Variants in FBXW4 observed in about 807,000 individuals in gnomAD.
FBXW4 encodes F-box and WD repeat domain containing 4, also known as F-box/WD repeat-containing protein 4.
In FBXW4, 40 loss-of-function variants were observed where a neutral mutation model predicts 61.8. The observed-to-expected ratio is 0.65, with a 90% confidence interval of 0.50 to 0.84. FBXW4 has a LOEUF of 0.84. Ranked by LOEUF, FBXW4 falls within the 40% of genes least tolerant of loss-of-function variation. The pLI, the probability that FBXW4 is intolerant of heterozygous loss-of-function variation, is 0.00. For missense variants in FBXW4, 672 were observed against 753.8 expected (o/e 0.89, Z 1.27); for synonymous variants, 311 against 313.8 (o/e 0.99, Z 0.10).
intron 5 of FBXW4, among the ~76,000 whole-genome samples, chr10:101,635,419 C>T (rs1385281819): frequency 2.6e-5 from 4 of 151,388 alleles, no homozygotes; most frequent in South Asian, 2.1e-4. Flanking sequence ...TGACTCACCC[C>T]CCTCCCACCC....
Position 101,694,782 on chromosome 10 carries a change from G to A in FBXW4, c.324C>T (p.Ala108=), listed in dbSNP as rs890844776. The change falls in exon 1 of 9, where the codon GCC becomes GCT. Residue 108 remains alanine, a synonymous_variant. Coordinates refer to ENST00000331272, the MANE Select transcript of FBXW4 (RefSeq NM_022039.4). This position sits in a 1 kb window ranked among gnomAD's most constrained non-coding sequence, Gnocchi z 6.0. ...IVKGVEGSAG[A]GKEAQGREYG... Reference sequence around the variant, plus strand: ...ACTCTCTTCCTTGTGCCTCCTTCCCGGCCCCTGCGCTCCCCTCGACTCCCT... The same window carrying A: ...ACTCTCTTCCTTGTGCCTCCTTCCCAGCCCCTGCGCTCCCCTCGACTCCCT... 1.7e-5 allele frequency: 23 copies of A among 1,343,780 alleles called. No homozygotes were observed. Among genetic ancestry groups the A allele is most frequent in the African/African-American group, 3.1e-5 (2 of 64,778 alleles). 83.2% of individuals were successfully genotyped at this position (1,343,780 alleles called of 1,614,324 possible).
intron 1 of FBXW4, among the ~76,000 whole-genome samples, chr10:101,688,387 G>A (rs1258896323): frequency 6.6e-6 from 1 of 152,212 alleles, no homozygotes; most frequent in Non-Finnish European, 1.5e-5. Flanking sequence ...TTAATTGTGG[G>A]CTAAAGAGGG....
intron 1 of FBXW4, among the ~76,000 whole-genome samples, chr10:101,681,125 C>G (rs777319921): frequency 1.6e-4 from 25 of 152,256 alleles, no homozygotes; most frequent in Middle Eastern, 6.8e-3. Context: ...TGGTGGCTCA[C>G]AACTGTGATC....
intron 6 of FBXW4, chr10:101,613,290 TCCCTAGCAACTAC>T (rs1180790050): frequency 6.6e-6 from 1 of 152,260 alleles, no homozygotes; most frequent in Non-Finnish European, 1.5e-5. Flanking sequence ...GGGCCTCCTG[TCCCTAGCAACTAC>T]CCCTCAACAT....
At chr10:101,675,435 G>A (rs1024658604) in intron 2 of FBXW4, among the ~76,000 whole-genome samples, 10 of 152,150 alleles carry the variant, frequency 6.6e-5, no homozygotes. Flanking sequence ...CTTGAAACTA[G>A]CCCCAAAAGG....
intron 5 of FBXW4, chr10:101,625,053 C>T: frequency 1.7e-6 from 1 of 576,130 alleles, no homozygotes; most frequent in South Asian, 2.0e-5. Context: ...GGGCCTGCTG[C>T]ACAGACTAGG....
chr10:101,648,615 T>C (rs1217855605), intron 5 of FBXW4, among the ~76,000 whole-genome samples: 1 of 152,050 alleles, frequency 6.6e-6, no homozygotes, highest in Admixed American at 6.5e-5. Flanking sequence ...TGGACAGAAG[T>C]TAATGTGCAT....
rs551884834 is a variant in FBXW4 at position 101,687,272 on chromosome 10, A to T, written c.725+7109T>A. On this transcript the variant is annotated intron_variant, in intron 1 of 8. Coordinates refer to ENST00000331272, the MANE Select transcript of FBXW4 (RefSeq NM_022039.4). ...AGAAGAAATATAATACCCCCTTCGG[A>T]CTGCTCCCAACAGCTGCTGGAAAAA... is the stretch of plus-strand genomic sequence containing the variant. Among the ~76,000 whole-genome samples the T allele has an allele frequency of 7.9e-5, 12 of 152,254 alleles. 1 individual carries two copies. In the South Asian group the frequency reaches 2.3e-3, roughly 29 times the overall value.
intron 2 of FBXW4, 117 bp from the exon 3 acceptor site, chr10:101,673,790 T>C: frequency 8.8e-6 from 8 of 907,704 alleles, no homozygotes; most frequent in East Asian, 2.7e-5. Context: ...ACAAGGCTTA[T>C]TATCTATACT....
chr10:101,678,723 C>T (rs1038435259), intron 1 of FBXW4, among the ~76,000 whole-genome samples: 4 of 152,242 alleles, frequency 2.6e-5, no homozygotes, highest in East Asian at 1.9e-4. Flanking sequence ...CCACCGCGCC[C>T]GGCGAGATAC....
intron 5 of FBXW4, among the ~76,000 whole-genome samples, chr10:101,660,929 C>T (rs1281126388): frequency 1.3e-5 from 2 of 152,160 alleles, no homozygotes; most frequent in East Asian, 1.9e-4. Context: ...ACTGTTGTCT[C>T]TCTAGTGACC....
chr10:101,676,356 A>G lies in FBXW4; in HGVS notation c.806T>C (p.Leu269Pro). 1 of 1,613,296 alleles carries G rather than the reference A, an allele frequency of 6.2e-7. No homozygotes were observed. The stretch of plus-strand genomic sequence containing the variant: ...GGCTACTTGCCTGCATCTCCACTTC[A>G]GCAGAATCCCCTCTCGGCAGCGCCC... ...RLGRCREGIL[L>P]KWRCSQMPWM... Residue 269 changes from leucine to proline, a missense_variant, in exon 2 of 9, where the codon CTG (leucine) becomes CCG (proline). Leu to Pro is a moderately conservative substitution (Grantham distance 98, BLOSUM62 -3). Coordinates refer to ENST00000331272, the MANE Select transcript of FBXW4 (RefSeq NM_022039.4).
chr10:101,618,714 C>G (rs2063844587), intron 6 of FBXW4, among the ~76,000 whole-genome samples: 1 of 152,132 alleles, frequency 6.6e-6, no homozygotes, highest in Non-Finnish European at 1.5e-5. Context: ...CTTTCCCCAC[C>G]CCACAATCCC....
chr10:101,648,073 C>A (rs1040082732), intron 5 of FBXW4, among the ~76,000 whole-genome samples: 13 of 152,168 alleles, frequency 8.5e-5, no homozygotes, highest in African/African-American at 2.9e-4. Flanking sequence ...GTCCACTAGG[C>A]AAAGGGATTA....
intron 6 of FBXW4, among the ~76,000 whole-genome samples, chr10:101,615,566 A>G (rs1447484815): frequency 6.6e-6 from 1 of 152,094 alleles, no homozygotes; most frequent in East Asian, 2.0e-4. Context: ...TACCTGGACA[A>G]GAAGAAGCAA....
In FBXW4 at chr10:101,612,490, G is replaced by C; in HGVS notation, c.1302-13C>G. On this transcript the variant is annotated splice_polypyrimidine_tract_variant and intron_variant, in intron 6 of 8. Coordinates refer to ENST00000331272, the MANE Select transcript of FBXW4 (RefSeq NM_022039.4). Reference sequence around the variant, plus strand: ...CATCAGCTGCCCACTGGGAAGGGAAGGACGGAGTGAGAGGCTGCTCCACGT... The same window carrying C: ...CATCAGCTGCCCACTGGGAAGGGAACGACGGAGTGAGAGGCTGCTCCACGT... 1 of 1,548,356 alleles carries C rather than the reference G, an allele frequency of 6.5e-7. No individual in the cohort carries two copies. Among genetic ancestry groups the C allele is most frequent in the East Asian group, 2.4e-5 (1 of 41,742 alleles).
chr10:101,645,892 T>C (rs769935720), intron 5 of FBXW4, among the ~76,000 whole-genome samples: 23 of 152,158 alleles, frequency 1.5e-4, no homozygotes, highest in Non-Finnish European at 2.9e-4. Flanking sequence ...ACACTGGCTG[T>C]GTTGGCTATG....
upstream of FBXW4, chr10:101,695,277 C>T (rs974010474): frequency 5.7e-6 from 5 of 872,376 alleles, no homozygotes; most frequent in African/African-American, 9.1e-5. The surrounding 1 kb of genome is among the most constrained non-coding windows in gnomAD (Gnocchi z 4.2). Context: ...CGGGCTGGGG[C>T]CGGGGCGCTG....
At chr10:101,644,172 C>T (rs1194522612) in intron 5 of FBXW4, among the ~76,000 whole-genome samples, 5 of 152,202 alleles carry the variant, frequency 3.3e-5, no homozygotes, top group African/African-American at 1.2e-4. Flanking sequence ...GGCTTTTCAG[C>T]CTTTCCAGTG....
Sources: allele counts gnomAD v4.1 joint callset (sites outside exome capture counted in the v4.1 genomes callset), GRCh38; gene constraint gnomAD v4.1.1; non-coding constraint Gnocchi (gnomAD v3.1); transcripts MANE v1.5; gene names NCBI Gene and HGNC (gene_info 2026-07-23, HGNC 2026-07-21).